Variants in TMEM132C observed in about 807,000 individuals in gnomAD.
TMEM132C encodes the protein protein phosphatase 1, regulatory subunit 152.
A neutral mutation model predicts 61.4 loss-of-function variants in TMEM132C; 29 were observed. The observed-to-expected ratio is 0.47, with a 90% CI of 0.35 to 0.64. TMEM132C has a LOEUF of 0.64. TMEM132C is among the 30% of genes least tolerant of loss of function. The pLI, the probability that TMEM132C is intolerant of heterozygous loss-of-function variation, is 0.00. For missense variants in TMEM132C, 1,408 were observed against 1,476.9 expected (o/e 0.95, Z 0.76); for synonymous variants, 656 against 633.1 (o/e 1.04, Z -0.54).
rs187067330 is a variant in TMEM132C, at chr12:128,448,725, C to T, written c.974+33105C>T. 8.5e-5 allele frequency among the ~76,000 whole-genome samples: 13 copies of T among 152,284 alleles called. No homozygotes were observed. In the East Asian group the frequency reaches 9.6e-4, roughly 11 times the overall value. Reference sequence around the variant, plus strand: ...TTTTGGATACAGGGAAGGCAAAATACGCCCTCTTTTATAATCTACCATAAG... The same window carrying T: ...TTTTGGATACAGGGAAGGCAAAATATGCCCTCTTTTATAATCTACCATAAG... On this transcript the variant is annotated intron_variant, in intron 2 of 8. Coordinates refer to ENST00000435159, the MANE Select transcript of TMEM132C (RefSeq NM_001136103.3).
intron 2 of TMEM132C, among the ~76,000 whole-genome samples, chr12:128,448,545 G>A (rs1870069130): frequency 6.6e-6 from 1 of 152,136 alleles, no homozygotes; most frequent in South Asian, 2.1e-4. Context: ...AAGAGAAAGA[G>A]TCGAGCCAAT....
chr12:128,597,155 T>C (rs768603242), intron 3 of TMEM132C, among the ~76,000 whole-genome samples: 39 of 152,144 alleles, frequency 2.6e-4, no homozygotes, highest in Non-Finnish European at 5.1e-4. Flanking sequence ...GGAGCGTTGG[T>C]TAATGCAAAT....
intron 1 of TMEM132C, among the ~76,000 whole-genome samples, chr12:128,282,418 A>G (rs1247547655): frequency 6.6e-6 from 1 of 152,252 alleles, no homozygotes; most frequent in Admixed American, 6.5e-5. Context: ...AGGAGAAGCA[A>G]GTACCTTTTT....
At chr12:128,693,313 G>T (rs569818505) in intron 5 of TMEM132C, among the ~76,000 whole-genome samples, 18 of 152,236 alleles carry the variant, frequency 1.2e-4, no homozygotes, top group Admixed American at 9.8e-4. Flanking sequence ...AACTGCCCAG[G>T]GTGTGAAAAC....
chr12:128,319,666 A>C (rs1872265313), intron 1 of TMEM132C, among the ~76,000 whole-genome samples: 1 of 152,086 alleles, frequency 6.6e-6, no homozygotes, highest in Admixed American at 6.6e-5. Context: ...TCTCTACTAA[A>C]AATACAAAAA....
chr12:128,448,104 A>G (rs918853576), intron 2 of TMEM132C, among the ~76,000 whole-genome samples: 1 of 152,156 alleles, frequency 6.6e-6, no homozygotes, highest in Non-Finnish European at 1.5e-5. Flanking sequence ...TGGTAAAAGT[A>G]AGACAATTTT....
At chr12:128,389,179 G>C (rs1359951501) in intron 1 of TMEM132C, among the ~76,000 whole-genome samples, 1 of 152,124 alleles carries the variant, frequency 6.6e-6, no homozygotes, top group Non-Finnish European at 1.5e-5. Flanking sequence ...TCCATACTTA[G>C]TAAGCACGCC....
intron 1 of TMEM132C, among the ~76,000 whole-genome samples, chr12:128,294,991 A>ATAGATAGATAGATAGATAGATAGG (rs370700296): frequency 0.1 from 15,047 of 149,446 alleles, 887 homozygotes; most frequent in East Asian, 0.19. Flanking sequence ...TAAATAATAG[A>ATAGATAGATAGATAGATAGATAGG]TAGATAGATA....
At chr12:128,372,766 A>G (rs1309942802) in intron 1 of TMEM132C, among the ~76,000 whole-genome samples, 4 of 152,180 alleles carry the variant, frequency 2.6e-5, no homozygotes, top group African/African-American at 7.2e-5. Flanking sequence ...GGACTTGTAT[A>G]CAACCCCCGA....
intron 5 of TMEM132C, among the ~76,000 whole-genome samples, chr12:128,683,851 A>G (rs1954653875): frequency 6.6e-6 from 1 of 152,074 alleles, no homozygotes; most frequent in Non-Finnish European, 1.5e-5. Flanking sequence ...CTGTCGTCCC[A>G]AGTACTTGGG....
At chr12:128,488,233 A>C (rs1871571701) in intron 2 of TMEM132C, among the ~76,000 whole-genome samples, 1 of 152,194 alleles carries the variant, frequency 6.6e-6, no homozygotes, top group South Asian at 2.1e-4. Flanking sequence ...GGATCATAGA[A>C]CATTTCTCTC....
intron 1 of TMEM132C, among the ~76,000 whole-genome samples, chr12:128,361,277 T>C (rs1220154646): frequency 6.6e-6 from 1 of 152,204 alleles, no homozygotes; most frequent in East Asian, 1.9e-4. Context: ...TGGATGCAAC[T>C]GAAATTCTTT....
intron 2 of TMEM132C, among the ~76,000 whole-genome samples, chr12:128,427,743 C>T (rs1869244540): frequency 6.6e-6 from 1 of 152,210 alleles, no homozygotes; most frequent in Admixed American, 6.5e-5. Context: ...CAGCTTGTGG[C>T]TCTCACTCAG....
intron 3 of TMEM132C, among the ~76,000 whole-genome samples, chr12:128,599,106 C>G (rs1876076874): frequency 6.6e-6 from 1 of 152,132 alleles, no homozygotes; most frequent in Admixed American, 6.5e-5. Flanking sequence ...GCTCCCGTTC[C>G]TCTGCGGCTG....
rs576420860 is a variant in TMEM132C, at chr12:128,344,219, G to A, written c.86-70513G>A. ...GTTGCCCAGGCTGGAGTGCCGTGGC[G>A]CAATCTAGGCTCACGGCAAGCTCCG... is the stretch of plus-strand genomic sequence containing the variant. On this transcript the variant is annotated intron_variant, in intron 1 of 8. Transcript: ENST00000435159. Among the ~76,000 whole-genome samples, 70 of 152,152 alleles carry A rather than the reference G, an allele frequency of 4.6e-4. No individual in the cohort carries two copies. In the South Asian group the frequency reaches 7.3e-3, roughly 16 times the overall value.
intron 5 of TMEM132C, among the ~76,000 whole-genome samples, chr12:128,691,849 T>C (rs1425493703): frequency 6.6e-6 from 1 of 151,818 alleles, no homozygotes; most frequent in African/African-American, 2.4e-5. Flanking sequence ...TACCCATTTG[T>C]CCACCACCCA....
At chr12:128,442,597 AAAAGG>A (rs1206001524) in intron 2 of TMEM132C, among the ~76,000 whole-genome samples, 1 of 151,578 alleles carries the variant, frequency 6.6e-6, no homozygotes, top group African/African-American at 2.4e-5. Context: ...AAAAAAAAAA[AAAAGG>A]TGAGGGACAG....
intron 2 of TMEM132C, among the ~76,000 whole-genome samples, chr12:128,522,993 G>A (rs917673164): frequency 6.6e-6 from 1 of 152,160 alleles, no homozygotes; most frequent in Non-Finnish European, 1.5e-5. Context: ...CAGTCAGACG[G>A]TAAAAGCAAG....
At chr12:128,497,694 G>C (rs1206709238) in intron 2 of TMEM132C, among the ~76,000 whole-genome samples, 3 of 152,144 alleles carry the variant, frequency 2.0e-5, no homozygotes, top group African/African-American at 7.2e-5. Context: ...GCAGTATTAG[G>C]GTGAGAGTGA....
Sources: gnomAD v4.1 joint callset for allele counts (sites outside exome capture counted in the v4.1 genomes callset) on GRCh38, gnomAD v4.1.1 for gene constraint, MANE v1.5 for transcripts, NCBI Gene and HGNC (gene_info 2026-07-23, HGNC 2026-07-21) for gene names.